Variants in TMEM132D observed in about 807,000 individuals in gnomAD.
The protein encoded by TMEM132D is mature OL transmembrane protein.
A neutral mutation model predicts 62.3 loss-of-function variants in TMEM132D; 21 were observed. The observed-to-expected ratio is 0.34, with a 90% CI of 0.24 to 0.49. TMEM132D has a LOEUF of 0.49. Ranked by LOEUF, TMEM132D falls within the 20% of genes least tolerant of loss-of-function variation. The pLI is 0.99. For synonymous variants in TMEM132D, 621 were observed against 575.6 expected, an observed-to-expected ratio of 1.08 and a Z score of -1.13; for missense variants, 1,346 against 1,402.8, an observed-to-expected ratio of 0.96 and a Z score of 0.65.
At chr12:129,087,946 G>A (rs866318226) in intron 5 of TMEM132D, among the ~76,000 whole-genome samples, 106 of 107,088 alleles carry the variant, frequency 9.9e-4, no homozygotes, top group African/African-American at 4.2e-3. Context: ...CATGACCGGG[G>A]TGTCCTCCCT....
Position 129,154,965 on chromosome 12 carries a change from A to G in TMEM132D, c.1443+54555T>C, listed in dbSNP as rs191231031. ...CATGTTTACACTTTTCTGGCATTACAGGATCAAGATCAGGAAACATACTGT... is the reference window on the plus strand; with the variant it reads ...CATGTTTACACTTTTCTGGCATTACGGGATCAAGATCAGGAAACATACTGT... On this transcript the variant is annotated intron_variant, in intron 5 of 8. Transcript: ENST00000422113. Among the ~76,000 whole-genome samples the G allele has an allele frequency of 3.0e-3, 455 of 152,358 alleles. 4 individuals are homozygous for G. The highest frequency in any genetic ancestry group is 0.011 in the African/African-American group (441 of 41,592).
intron 2 of TMEM132D, among the ~76,000 whole-genome samples, chr12:129,596,443 T>A (rs970589156): frequency 3.3e-5 from 5 of 152,194 alleles, no homozygotes. Context: ...ATTTTTTATA[T>A]ACAGTTGTCC....
At chr12:129,348,151 TC>T (rs892207981) in intron 3 of TMEM132D, among the ~76,000 whole-genome samples, 1 of 152,108 alleles carries the variant, frequency 6.6e-6, no homozygotes, top group African/African-American at 2.4e-5. Context: ...GTGTGGCGAT[TC>T]CCCAAGGATC....
intron 3 of TMEM132D, among the ~76,000 whole-genome samples, chr12:129,351,094 A>G (rs570109890): frequency 8.5e-5 from 13 of 152,308 alleles, no homozygotes; most frequent in Admixed American, 6.5e-4. Context: ...TGGCAAGATA[A>G]TCTGCCAAAA....
chr12:129,646,020 A>G (rs1191893743), intron 2 of TMEM132D, among the ~76,000 whole-genome samples: 2 of 152,208 alleles, frequency 1.3e-5, no homozygotes, highest in African/African-American at 4.8e-5. Flanking sequence ...ATGGCCAGTC[A>G]GCAGCGTATC....
chr12:129,095,212 T>A (rs1448506774), intron 5 of TMEM132D, among the ~76,000 whole-genome samples: 1 of 151,606 alleles, frequency 6.6e-6, no homozygotes, highest in Non-Finnish European at 1.5e-5. Context: ...AAAGGATGAA[T>A]AGATAAAAAT....
chr12:129,760,115 C>T, intron 1 of TMEM132D, among the ~76,000 whole-genome samples: 1 of 151,976 alleles, frequency 6.6e-6, no homozygotes, highest in East Asian at 1.9e-4. Context: ...CTATGCTTTC[C>T]AGGCTGGCCT....
chr12:129,548,260 C>A (rs55991205), intron 2 of TMEM132D, among the ~76,000 whole-genome samples: 1 of 152,078 alleles, frequency 6.6e-6, no homozygotes, highest in East Asian at 2.0e-4. Context: ...CTCCTTCACT[C>A]GGTGCTGGAG....
chr12:129,395,566 C>A (rs552485653), intron 3 of TMEM132D, among the ~76,000 whole-genome samples: 27 of 151,822 alleles, frequency 1.8e-4, no homozygotes, highest in African/African-American at 6.0e-4. Context: ...TCCAGACAGG[C>A]AAATGTGCAA....
At position 129,894,859 on chromosome 12, in the gene TMEM132D, C is replaced by G. The variant is rs541982036; in HGVS notation, c.79+8402G>C. On this transcript the variant is annotated intron_variant, in intron 1 of 8. Transcript: ENST00000422113. ...CTCTCAAACTCCTCTCTCGTACCTC[C>G]CAAGTCAGCGTGTGTGATCTACGTT... 2.0e-5 allele frequency among the ~76,000 whole-genome samples: 3 copies of G among 152,274 alleles called. No individual in the cohort carries two copies. In the South Asian group the frequency reaches 6.2e-4, roughly 32 times the overall value.
intron 5 of TMEM132D, among the ~76,000 whole-genome samples, chr12:129,139,483 G>T (rs1157209824): frequency 6.6e-6 from 1 of 152,168 alleles, no homozygotes; most frequent in Non-Finnish European, 1.5e-5. Flanking sequence ...GGGACTCCCA[G>T]TGGAGTCAGG....
chr12:129,452,013 A>G (rs1275998469), intron 3 of TMEM132D, among the ~76,000 whole-genome samples: 7 of 152,212 alleles, frequency 4.6e-5, no homozygotes, highest in Non-Finnish European at 1.0e-4. Flanking sequence ...TACACAGGAC[A>G]TCTTGAATCT....
chr12:129,166,533 A>T (rs1332121638), intron 5 of TMEM132D, among the ~76,000 whole-genome samples: 1 of 151,810 alleles, frequency 6.6e-6, no homozygotes, highest in Non-Finnish European at 1.5e-5. Context: ...TAATATTAAG[A>T]CACTGTATGT....
At chr12:129,347,539 T>C (rs920543103) in intron 3 of TMEM132D, among the ~76,000 whole-genome samples, 7 of 152,170 alleles carry the variant, frequency 4.6e-5, no homozygotes, top group African/African-American at 1.7e-4. Context: ...CCTTCCTTTA[T>C]ACCTTATACA....
chr12:129,165,273 G>A (rs1415536322), intron 5 of TMEM132D, among the ~76,000 whole-genome samples: 1 of 152,148 alleles, frequency 6.6e-6, no homozygotes, highest in East Asian at 1.9e-4. Context: ...ATGTACATCT[G>A]GATGACTGTT....
intron 3 of TMEM132D, among the ~76,000 whole-genome samples, chr12:129,432,131 ATGGATGGATGGATGGATGGATGGATGCT>A (rs1256851621): frequency 3.1e-4 from 45 of 144,766 alleles, no homozygotes; most frequent in South Asian, 2.7e-3. Flanking sequence ...AGGTGGATGG[ATGGATGGATGGATGGATGGATGGATGCT>A]TGGATGGATG....
At chr12:129,268,607 C>T (rs1190511083) in intron 4 of TMEM132D, among the ~76,000 whole-genome samples, 1 of 152,118 alleles carries the variant, frequency 6.6e-6, no homozygotes, top group Non-Finnish European at 1.5e-5. Context: ...CTAGTTCAAC[C>T]ATTGTGGAAG....
At chr12:129,087,161 C>G (rs1352640956) in intron 5 of TMEM132D, among the ~76,000 whole-genome samples, 2 of 152,094 alleles carry the variant, frequency 1.3e-5, no homozygotes, top group African/African-American at 4.8e-5. Context: ...CTCCTGGAAA[C>G]CCCCATTCAA....
intron 3 of TMEM132D, among the ~76,000 whole-genome samples, chr12:129,412,628 G>A (rs1872001068): frequency 6.6e-6 from 1 of 152,084 alleles, no homozygotes; most frequent in Admixed American, 6.6e-5. Context: ...AGGCCAAGGT[G>A]GGCAGATCAC....
Sources: allele counts gnomAD v4.1 joint callset (sites outside exome capture counted in the v4.1 genomes callset), GRCh38; gene constraint gnomAD v4.1.1; transcripts MANE v1.5; gene names NCBI Gene and HGNC (gene_info 2026-07-23, HGNC 2026-07-21).